Variants in NRXN3 observed in about 807,000 individuals in gnomAD.
NRXN3 encodes the protein neurexin III.
In NRXN3, 32 loss-of-function variants were observed where a neutral mutation model predicts 137.6. That is an observed-to-expected ratio of 0.23 (90% CI 0.18 to 0.31). The LOEUF (loss-of-function observed/expected upper bound fraction) is 0.31, where lower values mean the gene tolerates loss of function less well. Ranked by LOEUF, NRXN3 falls within the 10% of genes least tolerant of loss-of-function variation. NRXN3 has a pLI of 1.00. For synonymous variants in NRXN3, 798 were observed against 784.5 expected (o/e 1.02, Z -0.29); for missense variants, 1,574 against 2,062.5 (o/e 0.76, Z 4.59).
At chr14:78,572,982 C>T (rs4643247) in intron 4 of NRXN3, among the ~76,000 whole-genome samples, 15,740 of 152,064 alleles carry the variant, frequency 0.1, 1,178 homozygotes, top group East Asian at 0.23. Flanking sequence ...TAGGTGGAGA[C>T]AATTAAAAAA....
At chr14:78,904,096 C>G in intron 10 of NRXN3, among the ~76,000 whole-genome samples, 2 of 152,076 alleles carry the variant, frequency 1.3e-5, no homozygotes, top group South Asian at 4.2e-4. Flanking sequence ...AGAGATCAGG[C>G]GATATGTCAA....
intron 8 of NRXN3, among the ~76,000 whole-genome samples, chr14:78,762,996 T>C (rs1219588835): frequency 1.3e-5 from 2 of 152,160 alleles, no homozygotes; most frequent in African/African-American, 4.8e-5. Flanking sequence ...TTAAGTGCAA[T>C]GTGTAGGAAA....
In NRXN3 at chr14:78,604,090, G is replaced by A. The variant is rs963695849; in HGVS notation, c.758-41030G>A. On this transcript the variant is annotated intron_variant, in intron 4 of 20. Transcript: ENST00000335750. ...CACGGAGGCAGGCTAGAGAGAATTAGAGCCAAGTGAAAGAGGAAACCCATT... is the reference window on the plus strand; with the variant it reads ...CACGGAGGCAGGCTAGAGAGAATTAAAGCCAAGTGAAAGAGGAAACCCATT... 2.6e-5 allele frequency among the ~76,000 whole-genome samples: 4 copies of A among 152,178 alleles called. No homozygotes were observed. The South Asian group carries it at 6.2e-4, about 24-fold the overall frequency.
At chr14:79,441,651 A>T (rs1343478161) in intron 15 of NRXN3, among the ~76,000 whole-genome samples, 2 of 151,972 alleles carry the variant, frequency 1.3e-5, no homozygotes, top group Non-Finnish European at 2.9e-5. Flanking sequence ...AAGTGCTGGG[A>T]TTACAGGCGT....
chr14:78,458,760 A>G (rs1356584787), intron 4 of NRXN3, among the ~76,000 whole-genome samples: 3 of 152,238 alleles, frequency 2.0e-5, no homozygotes, highest in Admixed American at 2.0e-4. Context: ...GATTAATAGA[A>G]GAATAGGTGC....
intron 14 of NRXN3, among the ~76,000 whole-genome samples, chr14:78,974,827 T>G (rs958993252): frequency 6.6e-6 from 1 of 152,188 alleles, no homozygotes; most frequent in Non-Finnish European, 1.5e-5. Flanking sequence ...TAGATAGTAC[T>G]AATTACCATG....
At chr14:79,229,921 G>A (rs186073120) in intron 15 of NRXN3, among the ~76,000 whole-genome samples, 93 of 152,158 alleles carry the variant, frequency 6.1e-4, no homozygotes, top group Admixed American at 6.1e-3. Context: ...CTTCCTATCA[G>A]CTCTCCCAGG....
intron 4 of NRXN3, among the ~76,000 whole-genome samples, chr14:78,298,240 G>A (rs535360858): frequency 6.6e-6 from 1 of 152,326 alleles, no homozygotes; most frequent in South Asian, 2.1e-4. Flanking sequence ...GCCCCATGCC[G>A]GGGCTCCAGG....
chr14:78,662,512 A>G (rs2097849751), intron 6 of NRXN3, among the ~76,000 whole-genome samples: 1 of 152,160 alleles, frequency 6.6e-6, no homozygotes, highest in African/African-American at 2.4e-5. Flanking sequence ...CTTCAAAGTA[A>G]TGAGTTCTCC....
intron 4 of NRXN3, among the ~76,000 whole-genome samples, chr14:78,382,367 G>A (rs767368167): frequency 2.0e-5 from 3 of 152,210 alleles, no homozygotes; most frequent in Non-Finnish European, 2.9e-5. Context: ...CATGATGAAA[G>A]TAGATAGAAC....
chr14:78,553,001 T>G (rs1027405449), intron 4 of NRXN3, among the ~76,000 whole-genome samples: 1 of 152,168 alleles, frequency 6.6e-6, no homozygotes, highest in Non-Finnish European at 1.5e-5. Context: ...TATACATCAA[T>G]AAAAAATAAT....
intron 16 of NRXN3, among the ~76,000 whole-genome samples, chr14:79,625,099 C>T (rs1411550940): frequency 6.6e-6 from 1 of 152,148 alleles, no homozygotes; most frequent in Non-Finnish European, 1.5e-5. Context: ...CTCCTGGCCT[C>T]TACAGTATTT....
intron 16 of NRXN3, among the ~76,000 whole-genome samples, chr14:79,560,818 G>A: frequency 6.6e-6 from 1 of 152,034 alleles, no homozygotes; most frequent in Non-Finnish European, 1.5e-5. Flanking sequence ...TGGGATTACA[G>A]GCATAAGCCA....
chr14:79,455,668 T>A (rs1600564153), intron 15 of NRXN3, among the ~76,000 whole-genome samples: 1 of 152,112 alleles, frequency 6.6e-6, no homozygotes, highest in Non-Finnish European at 1.5e-5. Flanking sequence ...TGCTTTAAAG[T>A]TGTACAAAGT....
Position 78,645,136 on chromosome 14 carries a change from G to A in NRXN3, c.774G>A (p.Val258=). ...TTCCTATAGCTCGAGAGGAGAATGT[G>A]GCCACTTTCCGAGGCTCAGAGTATC... ...MMSEQAREEN[V]ATFRGSEYLC... is the part of the protein sequence containing the mutation. The change falls in exon 5 of 21, where the codon GTG becomes GTA. Residue 258 remains valine (V), a synonymous_variant. Coordinates refer to ENST00000335750, the MANE Select transcript of NRXN3 (RefSeq NM_001330195.2). The A allele has an allele frequency of 6.4e-7, 1 of 1,565,020 alleles. No homozygotes were observed. The highest frequency in any genetic ancestry group is 1.1e-5 in the South Asian group (1 of 87,024).
At chr14:79,832,045 C>A (rs1385509920) in intron 20 of NRXN3, among the ~76,000 whole-genome samples, 1 of 152,158 alleles carries the variant, frequency 6.6e-6, no homozygotes, top group Non-Finnish European at 1.5e-5. Context: ...ACGCTCAAAT[C>A]TCTTACATAA....
At chr14:79,689,168 T>C (rs1350878331) in intron 17 of NRXN3, among the ~76,000 whole-genome samples, 2 of 152,112 alleles carry the variant, frequency 1.3e-5, no homozygotes, top group Non-Finnish European at 1.5e-5. Flanking sequence ...TGTTGAAGAA[T>C]TGATTTCACT....
At chr14:78,837,634 G>C (rs888458773) in intron 10 of NRXN3, among the ~76,000 whole-genome samples, 2 of 152,088 alleles carry the variant, frequency 1.3e-5, no homozygotes, top group Non-Finnish European at 2.9e-5. Context: ...CCACCCCCAT[G>C]CCTGTCCCTG....
chr14:79,100,912 A>T (rs944265053), intron 15 of NRXN3, among the ~76,000 whole-genome samples: 8 of 151,926 alleles, frequency 5.3e-5, no homozygotes, highest in Admixed American at 2.0e-4. Context: ...AAAACTAAAT[A>T]AAAAAAATAG....
Sources: gnomAD v4.1 joint callset for allele counts (sites outside exome capture counted in the v4.1 genomes callset) on GRCh38, gnomAD v4.1.1 for gene constraint, MANE v1.5 for transcripts, NCBI Gene and HGNC (gene_info 2026-07-23, HGNC 2026-07-21) for gene names.